The following ZNF79 variants were observed in gnomAD, a reference collection of about 807,000 sequenced individuals.
The protein encoded by ZNF79 is zinc finger protein 79.
In ZNF79, 13 loss-of-function variants were observed where a neutral mutation model predicts 14.9. The ratio of observed to expected loss-of-function variants is 0.87; its 90% CI spans 0.57 to 1.38. ZNF79 has a LOEUF of 1.38. Ranked by LOEUF, ZNF79 falls within the 40% of genes most tolerant of loss-of-function variation. The pLI is 0.00. For missense variants in ZNF79, 631 were observed against 630.6 expected, an observed-to-expected ratio of 1.00 and a Z score of -0.01; for synonymous variants, 223 against 235.1, an observed-to-expected ratio of 0.95 and a Z score of 0.47.
intron 4 of ZNF79, among the ~76,000 whole-genome samples, chr9:127,439,111 CA>C (rs142533619): frequency 6.9e-6 from 1 of 145,498 alleles, no homozygotes; most frequent in Non-Finnish European, 1.5e-5. Context: ...GACTCTGTCA[CA>C]AAAAAAAAGA....
At chr9:127,426,677 AGGTTAT>A (rs1833761543) in intron 1 of ZNF79, among the ~76,000 whole-genome samples, 1 of 152,208 alleles carries the variant, frequency 6.6e-6, no homozygotes, top group African/African-American at 2.4e-5. Flanking sequence ...GGGTTCATCC[AGGTTAT>A]AGCATGCGTC....
chr9:127,444,100 G>T lies in ZNF79; in HGVS notation c.400G>T (p.Glu134Ter). ...SEASFQDPCV[E>*]MPPGDSDHGT... ...AGCTTCATTCCAAGACCCATGTGTA[G>T]AGATGCCCCCTGGGGATTCAGACCA... The change falls in exon 5 of 5, where the codon GAG becomes TAG. Residue 134 changes from glutamate (E) to a stop codon, truncating the protein, a stop_gained. Coordinates refer to ENST00000342483, the MANE Select transcript of ZNF79 (RefSeq NM_007135.3). LOFTEE classifies it low-confidence loss of function (END_TRUNC). 6.2e-7 allele frequency: 1 copy of T among 1,612,814 alleles called. No individual in the cohort carries two copies. The highest frequency in any genetic ancestry group is 1.1e-5 in the South Asian group (1 of 91,058).
chr9:127,439,114 A>AAAAAAAGAAAG (rs1431288111), intron 4 of ZNF79, among the ~76,000 whole-genome samples: 2 of 150,094 alleles, frequency 1.3e-5, no homozygotes, highest in South Asian at 2.1e-4. Flanking sequence ...TCTGTCACAA[A>AAAAAAAGAAAG]AAAAAAGAAA....
Position 127,443,882 on chromosome 9 carries a change from C to CA in ZNF79, c.329-146dup, listed in dbSNP as rs1172316745. On this transcript the variant is annotated intron_variant, in intron 4 of 4. Transcript: ENST00000342483. ...TGCCACTGCACTCCAGCCTGGGCGACAGAGCGAGACTCCGTCTCAAAAAAA... is the reference window on the plus strand; with the variant it reads ...TGCCACTGCACTCCAGCCTGGGCGACAAGAGCGAGACTCCGTCTCAAAAAAA... 6 of 688,338 alleles carry CA rather than the reference C, an allele frequency of 8.7e-6. No individual in the cohort carries two copies. In the East Asian group the frequency reaches 1.9e-4, roughly 22 times the overall value. 42.6% of individuals were successfully genotyped at this position (688,338 alleles called of 1,614,324 possible). A position where few individuals can be genotyped will look rare whatever the true frequency, so the allele number is the denominator to read the frequency against.
At position 127,444,847 on chromosome 9, in the gene ZNF79, C is replaced by T. The variant is rs758717279; in HGVS notation, c.1147C>T (p.His383Tyr). 1 of 1,614,086 alleles carries T rather than the reference C, an allele frequency of 6.2e-7. No individual in the cohort carries two copies. Among genetic ancestry groups the T allele is most frequent in the Admixed American group, 1.7e-5 (1 of 59,982 alleles). Reference protein sequence around the residue: ...SANLTNHQRTHTGEKPYKCSE... With the variant: ...SANLTNHQRTYTGEKPYKCSE... ...AAACCTCACAAACCATCAGAGGACT[C>T]ACACTGGGGAGAAACCCTACAAGTG... is the stretch of plus-strand genomic sequence containing the variant. Residue 383 changes from histidine (H) to tyrosine (Y), a missense_variant, in exon 5 of 5, where the codon CAC (histidine) becomes TAC (tyrosine). Coordinates refer to ENST00000342483, the MANE Select transcript of ZNF79 (RefSeq NM_007135.3).
In ZNF79 at chr9:127,444,720, G is replaced by C. The variant is rs775309666; in HGVS notation, c.1020G>C (p.Lys340Asn). The C allele has an allele frequency of 6.2e-7, 1 of 1,612,408 alleles. No individual in the cohort carries two copies. Among genetic ancestry groups the C allele is most frequent in the Admixed American group, 1.7e-5 (1 of 59,876 alleles). ...CCTACAAGTGCAGCGAGTGTGGGAA[G>C]GCCTTCAGTTACTGCGCAGCGTTCA... ...EKPYKCSECG[K>N]AFSYCAAFIQ... The change falls in exon 5 of 5, where the codon AAG becomes AAC. Residue 340 changes from lysine to asparagine, a missense_variant. Physicochemically the swap from Lys to Asn is moderately conservative, Grantham distance 94 (BLOSUM62 0). Coordinates refer to ENST00000342483, the MANE Select transcript of ZNF79 (RefSeq NM_007135.3).
At chr9:127,443,398 C>A (rs1834084777) in intron 4 of ZNF79, among the ~76,000 whole-genome samples, 1 of 152,028 alleles carries the variant, frequency 6.6e-6, no homozygotes, top group African/African-American at 2.4e-5. Flanking sequence ...CTGAGTGAGA[C>A]TCTGTCTCAA....
chr9:127,430,036 G>A (rs1833833136), intron 2 of ZNF79, among the ~76,000 whole-genome samples: 1 of 151,680 alleles, frequency 6.6e-6, no homozygotes, highest in Admixed American at 6.6e-5. Context: ...GGCTGGCCTG[G>A]AACTCCTGAC....
intron 4 of ZNF79, among the ~76,000 whole-genome samples, chr9:127,441,159 TAC>T (rs1213586315): frequency 6.6e-6 from 1 of 152,038 alleles, no homozygotes; most frequent in Non-Finnish European, 1.5e-5. Context: ...GACCCCAAGT[TAC>T]ACAGAGACGC....
intron 1 of ZNF79, among the ~76,000 whole-genome samples, chr9:127,425,875 G>A (rs1398752773): frequency 6.6e-6 from 1 of 152,208 alleles, no homozygotes; most frequent in Non-Finnish European, 1.5e-5. Flanking sequence ...TTACAGGCGT[G>A]AGCCACTGCT....
chr9:127,441,252 T>G (rs987603983), intron 4 of ZNF79, among the ~76,000 whole-genome samples: 3 of 152,154 alleles, frequency 2.0e-5, no homozygotes, highest in Non-Finnish European at 2.9e-5. Flanking sequence ...GGAAGCCTAC[T>G]TAATGCTTTA....
intron 4 of ZNF79, among the ~76,000 whole-genome samples, chr9:127,437,079 A>AAAG (rs1833961658): frequency 6.6e-6 from 1 of 151,384 alleles, no homozygotes; most frequent in Non-Finnish European, 1.5e-5. Context: ...AAAAAAAAAA[A>AAAG]AAGAAGATGC....
At chr9:127,428,335 A>G (rs1048872234) in intron 1 of ZNF79, among the ~76,000 whole-genome samples, 1 of 152,146 alleles carries the variant, frequency 6.6e-6, no homozygotes, top group Non-Finnish European at 1.5e-5. Context: ...ATTTTTATAT[A>G]TGGTGTGAAG....
chr9:127,425,591 G>T (rs1216495868), intron 1 of ZNF79, among the ~76,000 whole-genome samples: 16 of 151,532 alleles, frequency 1.1e-4, no homozygotes, highest in South Asian at 2.1e-4. Context: ...GTTTTTTTTT[G>T]TTTGTTTTGT....
At chr9:127,433,983 A>G (rs1183022412) in intron 2 of ZNF79, among the ~76,000 whole-genome samples, 1 of 152,168 alleles carries the variant, frequency 6.6e-6, no homozygotes, top group Non-Finnish European at 1.5e-5. Context: ...GTTGCCTTCC[A>G]GCGGCTCCCT....
In ZNF79 at chr9:127,438,494, C is replaced by T. The variant is rs181660401; in HGVS notation, c.328+2491C>T. ...CAGCTCTCTGGAAGCTCTCTAAACC[C>T]TGCCCTCCTGGGCCTTTGATTCATT... On this transcript the variant is annotated intron_variant, in intron 4 of 4. Transcript: ENST00000342483. 4.6e-5 allele frequency among the ~76,000 whole-genome samples: 7 copies of T among 152,354 alleles called. No individual in the cohort carries two copies. The East Asian group carries it at 1.2e-3, about 25-fold the overall frequency.
At chr9:127,443,247 C>T (rs1834081391) in intron 4 of ZNF79, among the ~76,000 whole-genome samples, 1 of 151,764 alleles carries the variant, frequency 6.6e-6, no homozygotes, top group Non-Finnish European at 1.5e-5. Context: ...TCGAGACCAG[C>T]CTCTCCAAAA....
intron 2 of ZNF79, among the ~76,000 whole-genome samples, chr9:127,431,652 G>C (rs1833864062): frequency 6.6e-6 from 1 of 152,116 alleles, no homozygotes; most frequent in African/African-American, 2.4e-5. Flanking sequence ...AGGATTCTTT[G>C]CCAGAACCAA....
chr9:127,434,514 A>T (rs1391657922), intron 2 of ZNF79, among the ~76,000 whole-genome samples: 1 of 152,078 alleles, frequency 6.6e-6, no homozygotes, highest in Non-Finnish European at 1.5e-5. Context: ...CAGTTACTTC[A>T]CACGCATACA....
Sources: gnomAD v4.1 joint callset for allele counts (sites outside exome capture counted in the v4.1 genomes callset) on GRCh38, gnomAD v4.1.1 for gene constraint, MANE v1.5 for transcripts, NCBI Gene and HGNC (gene_info 2026-07-23, HGNC 2026-07-21) for gene names.